Variants in SYNE1 observed in about 807,000 individuals in gnomAD.
The protein encoded by SYNE1 is nesprin-1.
A neutral mutation model predicts 1,111.0 loss-of-function variants in SYNE1; 616 were observed. The observed-to-expected ratio is 0.55, with a 90% CI of 0.52 to 0.59. The LOEUF is 0.59. SYNE1 is among the 20% of genes least tolerant of loss of function. The pLI, the probability that SYNE1 is intolerant of heterozygous loss-of-function variation, is 0.00. For synonymous variants in SYNE1, 3,855 were observed against 3,825.8 expected (o/e 1.01, Z -0.28); for missense variants, 10,006 against 10,417.0 (o/e 0.96, Z 1.72).
rs761732595 is a variant in SYNE1, at chr6:152,262,033, A to C, written c.18971T>G (p.Val6324Gly). ...TATATAATGTAAAATATTTGATACC[A>C]CTTGCTCTTGTTCCTGTTCCAGAAC... ...QNVLEQEQEQVLYSRPNRLLS... is the reference protein window; with the variant it reads ...QNVLEQEQEQGLYSRPNRLLS... The change falls in exon 101 of 146, where the codon GTG becomes GGG. Residue 6324 changes from valine (V) to glycine (G), a missense_variant and splice_region_variant. By Grantham distance (109) the Val-to-Gly change is moderately radical (BLOSUM62 -3). Coordinates refer to ENST00000367255, the MANE Select transcript of SYNE1 (RefSeq NM_182961.4). 1 of 1,612,190 alleles carries C rather than the reference A, an allele frequency of 6.2e-7. No individual in the cohort carries two copies. The highest frequency in any genetic ancestry group is 8.5e-7 in the Non-Finnish European group (1 of 1,179,154).
intron 6 of SYNE1, among the ~76,000 whole-genome samples, chr6:152,513,270 T>C (rs2099094698): frequency 6.6e-6 from 1 of 152,178 alleles, no homozygotes; most frequent in Non-Finnish European, 1.5e-5. Flanking sequence ...TAACTCCCAA[T>C]GTGATTGTAT....
chr6:152,151,644 A>G lies in SYNE1; in HGVS notation c.24359T>C (p.Ile8120Thr). 1 of 1,614,200 alleles carries G rather than the reference A, an allele frequency of 6.2e-7. No individual in the cohort carries two copies. Among genetic ancestry groups the G allele is most frequent in the Non-Finnish European group, 8.5e-7 (1 of 1,180,022 alleles). Residue 8120 changes from isoleucine (I) to threonine (T), a missense_variant, in exon 135 of 146, where the codon ATT becomes ACT. Ile to Thr is a moderately conservative substitution (Grantham distance 89). Around this residue, in one of 7 missense-constraint regions of SYNE1, gnomAD observed 34 missense variants for 68.3 expected, o/e 0.50. Coordinates refer to ENST00000367255, the MANE Select transcript of SYNE1 (RefSeq NM_182961.4). ...ATCCATCTCTGTGAGCCAGACCAGA[A>G]TGCTGTCCCGCGCAGTCTCAAACTC... Reference protein sequence around the residue: ...REEFETARDSILVWLTEMDLQ... With the variant: ...REEFETARDSTLVWLTEMDLQ...
At chr6:152,271,141 T>C (rs1343807984) in intron 98 of SYNE1, among the ~76,000 whole-genome samples, 1 of 152,154 alleles carries the variant, frequency 6.6e-6, no homozygotes, top group East Asian at 1.9e-4. Flanking sequence ...CCAACCTAAC[T>C]GCCCACAGAG....
In SYNE1 at chr6:152,416,868, TG is replaced by T. The variant is rs543188505; in HGVS notation, c.5568del (p.Ser1857AlafsTer31). On this transcript the variant is annotated frameshift_variant, in exon 41 of 146. Coordinates refer to ENST00000367255, the MANE Select transcript of SYNE1 (RefSeq NM_182961.4). LOFTEE classifies it high-confidence loss of function. ...AGCTGCCGCCTCTCCACAACCTGGC[TG>T]GCCTCCTCAAACAGCTGGAAGCAGT... ...AEDCFQLFEEASQVVERRQLA... is the reference protein window; with the variant it reads ...AEDCFQLFEEXSQVVERRQLA... 9 of 1,613,880 alleles carry T rather than the reference TG, an allele frequency of 5.6e-6. No homozygotes were observed.
intron 9 of SYNE1, among the ~76,000 whole-genome samples, chr6:152,504,924 A>G (rs1287343510): frequency 6.6e-6 from 1 of 152,154 alleles, no homozygotes; most frequent in Non-Finnish European, 1.5e-5. Context: ...ACACTTCTAA[A>G]ACTTTCATTC....
In SYNE1 at chr6:152,628,381, C is replaced by T; in HGVS notation, c.-50G>A. The T allele has an allele frequency of 1.3e-6, 2 of 1,560,146 alleles. No homozygotes were observed. Among genetic ancestry groups the T allele is most frequent in the Non-Finnish European group, 1.8e-6 (2 of 1,130,810 alleles). ...ACACCAAGAGACTCTTCACTGGAGG[C>T]AGCACAGGGCTACACCACTCTAGAA... On this transcript the variant is annotated 5_prime_UTR_variant, in exon 3 of 146. Coordinates refer to ENST00000367255, the MANE Select transcript of SYNE1 (RefSeq NM_182961.4).
intron 51 of SYNE1, among the ~76,000 whole-genome samples, chr6:152,393,443 A>G (rs2097679266): frequency 6.6e-6 from 1 of 152,042 alleles, no homozygotes; most frequent in East Asian, 1.9e-4. Context: ...TGTAGTTTTC[A>G]GAAAGTTATA....
intron 124 of SYNE1, among the ~76,000 whole-genome samples, chr6:152,211,229 A>G (rs1025123944): frequency 3.9e-5 from 6 of 152,184 alleles, no homozygotes; most frequent in South Asian, 2.1e-4. Flanking sequence ...CATTAATTCC[A>G]TTTCCTACAG....
At chr6:152,196,520 C>A (rs1305606654) in intron 127 of SYNE1, among the ~76,000 whole-genome samples, 3 of 151,984 alleles carry the variant, frequency 2.0e-5, no homozygotes, top group African/African-American at 7.3e-5. Context: ...GGACTAGGTC[C>A]TTCCCTTCAA....
chr6:152,409,391 G>T, intron 43 of SYNE1, 165 bp from the exon 44 acceptor site: 1 of 1,111,732 alleles, frequency 9.0e-7, no homozygotes. Context: ...TTCTTGAATT[G>T]CTAGAATCCT....
chr6:152,290,912 C>T (rs1016497235), intron 95 of SYNE1, among the ~76,000 whole-genome samples: 1 of 151,768 alleles, frequency 6.6e-6, no homozygotes, highest in Non-Finnish European at 1.5e-5. Context: ...AGCTGTGTTC[C>T]AGAACTTGTA....
rs773784083 is a variant in SYNE1 at position 152,308,646 on chromosome 6, A to C, written c.17203-14T>G. 1 of 1,588,508 alleles carries C rather than the reference A, an allele frequency of 6.3e-7. No homozygotes were observed. Among genetic ancestry groups the C allele is most frequent in the South Asian group, 1.2e-5 (1 of 85,890 alleles). Reference sequence around the variant, plus strand: ...TACCACAGCTTCCTTTGAAAAAAAAAAAAAACAGAAAGATAGACAGTTTTT... The same window carrying C: ...TACCACAGCTTCCTTTGAAAAAAAACAAAAACAGAAAGATAGACAGTTTTT... On this transcript the variant is annotated splice_polypyrimidine_tract_variant and intron_variant, in intron 90 of 145. Coordinates refer to ENST00000367255, the MANE Select transcript of SYNE1 (RefSeq NM_182961.4).
At chr6:152,613,837 C>G (rs1046157278) in intron 3 of SYNE1, among the ~76,000 whole-genome samples, 1 of 152,166 alleles carries the variant, frequency 6.6e-6, no homozygotes, top group East Asian at 1.9e-4. Context: ...CACCACACAT[C>G]TACAACCATC....
chr6:152,224,733 A>G, intron 116 of SYNE1, 69 bp from the exon 117 acceptor site: 1 of 1,459,874 alleles, frequency 6.8e-7, no homozygotes, highest in Non-Finnish European at 9.6e-7. Flanking sequence ...TATTCAATTG[A>G]TGGGAAAATA....
At chr6:152,506,210 T>TC (rs932045900) in intron 8 of SYNE1, among the ~76,000 whole-genome samples, 1 of 152,038 alleles carries the variant, frequency 6.6e-6, no homozygotes, top group Non-Finnish European at 1.5e-5. Context: ...CAATGAATGA[T>TC]TTTTTTTCCT....
chr6:152,421,670 A>ATTTT (rs1319985193), intron 39 of SYNE1, among the ~76,000 whole-genome samples: 4 of 144,080 alleles, frequency 2.8e-5, no homozygotes, highest in Admixed American at 7.0e-5. Flanking sequence ...CATTTTCCTT[A>ATTTT]TTTTATTTAT....
chr6:152,215,160 C>A, intron 121 of SYNE1, 100 bp from the exon 122 acceptor site: 1 of 1,406,292 alleles, frequency 7.1e-7, no homozygotes, highest in South Asian at 1.2e-5. Context: ...AGTAGCTGGT[C>A]TTCGGTCTAG....
At position 152,636,694 on chromosome 6, in the gene SYNE1, C is replaced by G. The variant is rs1432188735; in HGVS notation, c.-280G>C. 6.6e-6 allele frequency: 1 copy of G among 152,430 alleles called. No individual in the cohort carries two copies. The highest frequency in any genetic ancestry group is 1.5e-5 in the Non-Finnish European group (1 of 68,128). The allele number at this position is 152,430 out of a possible 1,614,324, so 9.4% of individuals were successfully genotyped here. ...AGCAAGGCGAAGCGAGCGAACGCTTCCTCCCGGCTCTCTGCGCCCAGGCTC... is the reference window on the plus strand; with the variant it reads ...AGCAAGGCGAAGCGAGCGAACGCTTGCTCCCGGCTCTCTGCGCCCAGGCTC... On this transcript the variant is annotated 5_prime_UTR_variant, in exon 2 of 146. Coordinates refer to ENST00000367255, the MANE Select transcript of SYNE1 (RefSeq NM_182961.4).
chr6:152,502,540 A>C, intron 10 of SYNE1, 93 bp downstream of exon 10: 1 of 955,610 alleles, frequency 1.0e-6, no homozygotes, highest in South Asian at 1.3e-5. Context: ...ATTAAAATGC[A>C]TTCAAATTTA....
Sources: gnomAD v4.1 joint callset for allele counts (sites outside exome capture counted in the v4.1 genomes callset) on GRCh38, gnomAD v4.1.1 for gene constraint, gnomAD v4.1.1 regional missense constraint, MANE v1.5 for transcripts, NCBI Gene and HGNC (gene_info 2026-07-23, HGNC 2026-07-21) for gene names.